The following PPP1R36 variants were observed in gnomAD, a reference collection of about 807,000 sequenced individuals.
PPP1R36 encodes chromosome 14 open reading frame 50.
A neutral mutation model predicts 53.4 loss-of-function variants in PPP1R36; 47 were observed. That is an observed-to-expected ratio of 0.88 (90% CI 0.70 to 1.12). The LOEUF (loss-of-function observed/expected upper bound fraction) is 1.12, where lower values mean the gene tolerates loss of function less well. Among genes scored for constraint, PPP1R36 ranks in the 50% most tolerant of loss-of-function variants. The probability of loss-of-function intolerance (pLI) is 0.00; values close to 1 mark genes in which losing one functional copy is unlikely to be tolerated. For missense variants in PPP1R36, 456 were observed against 513.9 expected (o/e 0.89, Z 1.09); for synonymous variants, 153 against 170.5 (o/e 0.90, Z 0.80).
intron 8 of PPP1R36, among the ~76,000 whole-genome samples, chr14:64,574,868 C>T (rs1355876017): frequency 6.6e-6 from 1 of 152,182 alleles, no homozygotes; most frequent in Non-Finnish European, 1.5e-5. Flanking sequence ...TTGCTCTCAA[C>T]CAGGAAGGGC....
chr14:64,565,956 T>A (rs889980261), intron 6 of PPP1R36, among the ~76,000 whole-genome samples: 2 of 152,150 alleles, frequency 1.3e-5, no homozygotes, highest in African/African-American at 4.8e-5. Context: ...GTGCTATTTT[T>A]ATATAATAGT....
intron 8 of PPP1R36, among the ~76,000 whole-genome samples, chr14:64,585,319 C>T (rs994089799): frequency 6.6e-6 from 1 of 152,174 alleles, no homozygotes; most frequent in East Asian, 1.9e-4. Context: ...AGTTCGAGAC[C>T]AGCCTGGCCA....
At position 64,575,944 on chromosome 14, in the gene PPP1R36, C is replaced by T. The variant is rs371308731; in HGVS notation, c.668+1355C>T. Among the ~76,000 whole-genome samples, 72 of 152,036 alleles carry T rather than the reference C, an allele frequency of 4.7e-4. 2 individuals carry two copies. In the South Asian group the frequency reaches 0.014, roughly 30 times the overall value. On this transcript the variant is annotated intron_variant, in intron 8 of 11. Transcript: ENST00000298705. ...GGATTACAGGTGTGAGCCACTGCGCCTGGCCTAGTTTAAGACATTTTGTAT... is the reference window on the plus strand; with the variant it reads ...GGATTACAGGTGTGAGCCACTGCGCTTGGCCTAGTTTAAGACATTTTGTAT...
At chr14:64,585,074 T>C (rs1339385708) in intron 8 of PPP1R36, among the ~76,000 whole-genome samples, 1 of 152,202 alleles carries the variant, frequency 6.6e-6, no homozygotes, top group Non-Finnish European at 1.5e-5. Flanking sequence ...TTGGGCCCAT[T>C]CAGACCAGGA....
At chr14:64,564,079 C>T (rs1482891082) in intron 3 of PPP1R36, among the ~76,000 whole-genome samples, 1 of 152,172 alleles carries the variant, frequency 6.6e-6, no homozygotes, top group Non-Finnish European at 1.5e-5. Flanking sequence ...CTTTGTTAGT[C>T]AAACTCATTA....
chr14:64,577,946 C>T (rs1187343449), intron 8 of PPP1R36, among the ~76,000 whole-genome samples: 4 of 151,688 alleles, frequency 2.6e-5, no homozygotes, highest in Non-Finnish European at 4.4e-5. Flanking sequence ...AGAATGGTCT[C>T]GATCTCCTGA....
chr14:64,563,808 T>A (rs1232577618), intron 3 of PPP1R36, among the ~76,000 whole-genome samples: 5 of 152,208 alleles, frequency 3.3e-5, no homozygotes, highest in Admixed American at 1.3e-4. Context: ...CGGCATTGTG[T>A]TATCAATGTG....
At chr14:64,583,149 G>A (rs991643569) in intron 8 of PPP1R36, among the ~76,000 whole-genome samples, 5 of 150,670 alleles carry the variant, frequency 3.3e-5, no homozygotes, top group African/African-American at 1.2e-4. Context: ...CTGAGCTCAA[G>A]CGATCTGCCT....
chr14:64,587,598 T>C (rs578138671), intron 10 of PPP1R36, among the ~76,000 whole-genome samples: 2 of 151,770 alleles, frequency 1.3e-5, no homozygotes, highest in Admixed American at 1.3e-4. Flanking sequence ...GTAGCTAGGA[T>C]TACAGACATG....
chr14:64,581,875 G>A (rs972327822), intron 8 of PPP1R36, among the ~76,000 whole-genome samples: 6 of 152,160 alleles, frequency 3.9e-5, no homozygotes, highest in African/African-American at 1.4e-4. Context: ...TGATGAACAC[G>A]TTCAGTAAAA....
chr14:64,575,533 T>C (rs2080334969), intron 8 of PPP1R36, among the ~76,000 whole-genome samples: 1 of 152,244 alleles, frequency 6.6e-6, no homozygotes, highest in Admixed American at 6.5e-5. Context: ...ATATTCTTTG[T>C]TCATTTGGAC....
chr14:64,575,225 C>T (rs946495351), intron 8 of PPP1R36, among the ~76,000 whole-genome samples: 27 of 151,722 alleles, frequency 1.8e-4, no homozygotes, highest in Non-Finnish European at 1.0e-4. Context: ...TTTTTTCCCC[C>T]ATAGGAAAAT....
Position 64,587,214 on chromosome 14 carries a change from A to G in PPP1R36, c.732A>G (p.Thr244=), listed in dbSNP as rs138796866. ...TGTAGTCCTTTTATACTTTCTGTAC[A>G]TATGTGGCTTGGATTGTCTTCCGAC... ...KFFESFYTFC[T]YVAWIVFRRQ... is the part of the protein sequence containing the mutation. The change falls in exon 10 of 12, where the codon ACA becomes ACG. Residue 244 remains threonine (T), a synonymous_variant. Coordinates refer to ENST00000298705, the MANE Select transcript of PPP1R36 (RefSeq NM_172365.3). The G allele has an allele frequency of 1.9e-6, 3 of 1,610,522 alleles. No individual in the cohort carries two copies. The highest frequency in any genetic ancestry group is 1.7e-5 in the Admixed American group (1 of 59,160).
At chr14:64,575,341 T>A (rs2080333682) in intron 8 of PPP1R36, among the ~76,000 whole-genome samples, 2 of 152,258 alleles carry the variant, frequency 1.3e-5, no homozygotes, top group African/African-American at 4.8e-5. Context: ...TACACAGTTG[T>A]TGGTATATAC....
intron 8 of PPP1R36, chr14:64,586,245 A>C (rs1307229552): frequency 2.6e-5 from 4 of 152,268 alleles, no homozygotes; most frequent in African/African-American, 9.7e-5. Context: ...AGTGCTAATT[A>C]CAGGCGTAAG....
intron 3 of PPP1R36, among the ~76,000 whole-genome samples, chr14:64,563,169 C>T (rs922902161): frequency 1.3e-5 from 2 of 151,958 alleles, no homozygotes; most frequent in Non-Finnish European, 2.9e-5. Flanking sequence ...CCCGGCCTCA[C>T]TTTTTTATTT....
intron 1 of PPP1R36, among the ~76,000 whole-genome samples, chr14:64,550,521 T>G (rs1402806364): frequency 6.6e-6 from 1 of 152,226 alleles, no homozygotes; most frequent in Non-Finnish European, 1.5e-5. Flanking sequence ...GGTATCAGTT[T>G]ATTGTCTGAA....
intron 1 of PPP1R36, chr14:64,550,377 C>A: frequency 1.1e-6 from 1 of 895,726 alleles, no homozygotes; most frequent in Non-Finnish European, 1.5e-6. Context: ...CAGCCCCGCT[C>A]TGGATAGAAA....
chr14:64,589,205 C>T lies in PPP1R36; in HGVS notation c.1136C>T (p.Pro379Leu), dbSNP rs139516717. 1.9e-6 allele frequency: 3 copies of T among 1,614,022 alleles called. No homozygotes were observed. The East Asian group carries it at 6.7e-5, about 36-fold the overall frequency. The change falls in exon 12 of 12, where the codon CCC (proline) becomes CTC (leucine). Residue 379 changes from proline (P) to leucine (L), a missense_variant. Coordinates refer to ENST00000298705, the MANE Select transcript of PPP1R36 (RefSeq NM_172365.3). ...RCLFNPHTLHPLDPEENTKSF... is the reference protein window; with the variant it reads ...RCLFNPHTLHLLDPEENTKSF... ...CTATTCAACCCACATACGCTTCACC[C>T]CCTTGATCCAGAAGAAAACACAAAA...
Sources: gnomAD v4.1 joint callset for allele counts (sites outside exome capture counted in the v4.1 genomes callset) on GRCh38, gnomAD v4.1.1 for gene constraint, MANE v1.5 for transcripts, NCBI Gene and HGNC (gene_info 2026-07-23, HGNC 2026-07-21) for gene names.